KANK1: variants seen among roughly 807,000 people sequenced by gnomAD.
KANK1 encodes the protein KN motif and ankyrin repeat domains 1.
Under a neutral mutation model 106.2 loss-of-function variants are expected in KANK1, and 109 were observed. The observed-to-expected ratio is 1.03, with a 90% CI of 0.88 to 1.20. The LOEUF (loss-of-function observed/expected upper bound fraction) is 1.20. KANK1 is among the 50% of genes most tolerant of loss of function. KANK1 has a pLI of 0.00. For missense variants in KANK1, 2,399 were observed against 1,710.7 expected, an observed-to-expected ratio of 1.40 and a Z score of -7.10; for synonymous variants, 873 against 652.2, an observed-to-expected ratio of 1.34 and a Z score of -5.16.
At chr9:740,654 C>T (rs944945399) in intron 8 of KANK1, 138 bp from the exon 9 acceptor site, 1 of 945,122 alleles carries the variant, frequency 1.1e-6, no homozygotes, top group South Asian at 1.7e-5. Context: ...ACATTTCCTT[C>T]TAAGTCACTC....
rs143301186 is a variant in KANK1, at chr9:619,561, G to C, written c.-83-57329G>C. ...TTCTTTTGGAACCAGTTTTGCTACT[G>C]TATAATGATAATAGCTCTTCAGCAT... On this transcript the variant is annotated intron_variant, in intron 1 of 11. Coordinates refer to ENST00000382297, the MANE Select transcript of KANK1 (RefSeq NM_015158.5). 5.0e-3 allele frequency among the ~76,000 whole-genome samples: 755 copies of C among 152,194 alleles called. 15 individuals are homozygous for C. Among genetic ancestry groups the C allele is most frequent in the African/African-American group, 0.017 (704 of 41,518 alleles).
At chr9:650,283 A>G (rs979167403) in intron 1 of KANK1, among the ~76,000 whole-genome samples, 2 of 152,210 alleles carry the variant, frequency 1.3e-5, no homozygotes, top group Admixed American at 6.5e-5. Context: ...AAGAATGTAT[A>G]TTATTTAATT....
rs200081581 is a variant in KANK1 at position 732,392 on chromosome 9, C to G, written c.3020C>G (p.Ser1007Ter). ...VGINGGYETT[S>*]SDDSSSDESS... Reference sequence around the variant, plus strand: ...TTGCCACCTAGGTATGAAACAACTTCAAGTGATGATTCCAGCTCAGATGAA... The same window carrying G: ...TTGCCACCTAGGTATGAAACAACTTGAAGTGATGATTCCAGCTCAGATGAA... Residue 1007 changes from serine to a stop codon, truncating the protein, a stop_gained, in exon 6 of 12, where the codon TCA (serine) becomes TGA (stop). Coordinates refer to ENST00000382297, the MANE Select transcript of KANK1 (RefSeq NM_015158.5). LOFTEE classifies it high-confidence loss of function. The G allele has an allele frequency of 1.9e-6, 3 of 1,611,464 alleles. No individual in the cohort carries two copies. Among genetic ancestry groups the G allele is most frequent in the Admixed American group, 1.7e-5 (1 of 59,958 alleles).
intron 1 of KANK1, among the ~76,000 whole-genome samples, chr9:617,438 A>T (rs1310141841): frequency 6.6e-6 from 1 of 152,192 alleles, no homozygotes; most frequent in Non-Finnish European, 1.5e-5. Context: ...TCATGTTCAC[A>T]CGGGTTTATC....
intron 1 of KANK1, among the ~76,000 whole-genome samples, chr9:543,042 A>G (rs1033447361): frequency 6.6e-6 from 1 of 152,220 alleles, no homozygotes; most frequent in Admixed American, 6.5e-5. Flanking sequence ...TCTCACCACA[A>G]ATAAGTGCGA....
At chr9:680,257 GA>G (rs1817272826) in intron 2 of KANK1, among the ~76,000 whole-genome samples, 1 of 152,118 alleles carries the variant, frequency 6.6e-6, no homozygotes, top group African/African-American at 2.4e-5. Context: ...GAGCCTCTGG[GA>G]AAGGGCAAAC....
At chr9:722,419 C>T (rs921904578) in intron 3 of KANK1, among the ~76,000 whole-genome samples, 1 of 151,986 alleles carries the variant, frequency 6.6e-6, no homozygotes, top group Non-Finnish European at 1.5e-5. Context: ...AAAGTCTCAC[C>T]CTCGATTCAG....
Position 711,985 on chromosome 9 carries a change from G to C in KANK1, c.1219G>C (p.Glu407Gln). The C allele has an allele frequency of 6.2e-7, 1 of 1,614,198 alleles. No homozygotes were observed. The highest frequency in any genetic ancestry group is 1.1e-5 in the South Asian group (1 of 91,080). The change falls in exon 3 of 12, where the codon GAG becomes CAG. Residue 407 changes from glutamate to glutamine, a missense_variant. By Grantham distance (29) the Glu-to-Gln change is conservative (BLOSUM62 2). Transcript: ENST00000382297. The part of the protein sequence containing the change: ...ECRSVAVGAE[E>Q]NMNDIVVYHR... Reference sequence around the variant, plus strand: ...CCGGTCTGTGGCTGTGGGTGCCGAGGAGAACATGAACGACATCGTCGTGTA... The same window carrying C: ...CCGGTCTGTGGCTGTGGGTGCCGAGCAGAACATGAACGACATCGTCGTGTA...
At chr9:650,482 G>T (rs1257627307) in intron 1 of KANK1, among the ~76,000 whole-genome samples, 14 of 152,108 alleles carry the variant, frequency 9.2e-5, no homozygotes, top group African/African-American at 3.4e-4. Context: ...TAGGATGGGG[G>T]CCTAAGATTC....
intron 10 of KANK1, among the ~76,000 whole-genome samples, chr9:743,338 C>T (rs1000570283): frequency 1.3e-5 from 2 of 152,208 alleles, no homozygotes; most frequent in Non-Finnish European, 2.9e-5. Flanking sequence ...ACTCAGCCAT[C>T]TCCACAGGAG....
chr9:613,848 TAA>T (rs1206064689), intron 1 of KANK1, among the ~76,000 whole-genome samples: 2 of 152,180 alleles, frequency 1.3e-5, no homozygotes, highest in Non-Finnish European at 2.9e-5. Context: ...TTTGGGAAGT[TAA>T]ATATGAGTGT....
intron 1 of KANK1, among the ~76,000 whole-genome samples, chr9:657,200 G>A (rs1442945160): frequency 6.6e-6 from 1 of 152,156 alleles, no homozygotes; most frequent in Non-Finnish European, 1.5e-5. Context: ...GCATGTGATA[G>A]AATTTCCTTT....
In KANK1 at chr9:550,375, C is replaced by T. The variant is rs1225217185; in HGVS notation, c.-84+45621C>T. 4.6e-5 allele frequency among the ~76,000 whole-genome samples: 7 copies of T among 152,066 alleles called. No individual in the cohort carries two copies. The East Asian group carries it at 1.2e-3, about 25-fold the overall frequency. ...CTAGCCACTCCTTTTTCCCTGCATC[C>T]GTACATGAAGCCTGATTGCAGATCT... is the stretch of plus-strand genomic sequence containing the variant. On this transcript the variant is annotated intron_variant, in intron 1 of 11. Transcript: ENST00000382297.
At chr9:592,524 C>A (rs546748315) in intron 1 of KANK1, among the ~76,000 whole-genome samples, 1 of 151,800 alleles carries the variant, frequency 6.6e-6, no homozygotes, top group Non-Finnish European at 1.5e-5. Context: ...TGTCTAAGTA[C>A]GTTTTTTCAT....
intron 1 of KANK1, among the ~76,000 whole-genome samples, chr9:667,291 G>C (rs1480218195): frequency 2.0e-5 from 3 of 151,402 alleles, no homozygotes; most frequent in Non-Finnish European, 4.4e-5. Context: ...TTTTGTTTCT[G>C]ATTTTATTTA....
chr9:703,003 G>T lies in KANK1; in HGVS notation c.38-7801G>T, dbSNP rs184575431. ...GGGGGCGGGGTTGTTGTTTTTTGGG[G>T]TTTTTTCAGACGGAGTCTCTCTCTG... is the stretch of plus-strand genomic sequence containing the variant. On this transcript the variant is annotated intron_variant, in intron 2 of 11. Coordinates refer to ENST00000382297, the MANE Select transcript of KANK1 (RefSeq NM_015158.5). 5.5e-3 allele frequency among the ~76,000 whole-genome samples: 836 copies of T among 152,068 alleles called. 12 individuals carry two copies. Among genetic ancestry groups the T allele is most frequent in the Non-Finnish European group, 5.1e-3 (345 of 67,946 alleles).
chr9:483,248 T>A (rs2058237188), intron 3 of KANK1, among the ~76,000 whole-genome samples: 1 of 152,158 alleles, frequency 6.6e-6, no homozygotes, highest in Non-Finnish European at 1.5e-5. Flanking sequence ...TCTTGGAACA[T>A]ACCCCCTGTG....
chr9:554,729 C>T (rs187772989), intron 1 of KANK1, among the ~76,000 whole-genome samples: 1 of 152,268 alleles, frequency 6.6e-6, no homozygotes, highest in Non-Finnish European at 1.5e-5. Context: ...TTGACATTTT[C>T]AGCAATTGAG....
intron 1 of KANK1, among the ~76,000 whole-genome samples, chr9:628,747 G>C (rs891131675): frequency 2.0e-5 from 3 of 152,046 alleles, no homozygotes; most frequent in Admixed American, 2.0e-4. Flanking sequence ...GTGGCCATTT[G>C]GTTCCCTGGA....
Sources: allele counts gnomAD v4.1 joint callset (sites outside exome capture counted in the v4.1 genomes callset), GRCh38; gene constraint gnomAD v4.1.1; transcripts MANE v1.5; gene names NCBI Gene and HGNC (gene_info 2026-07-23, HGNC 2026-07-21).